The following ADAM18 variants were observed in gnomAD, a reference collection of about 807,000 sequenced individuals.
ADAM18 encodes disintegrin and metalloproteinase domain-containing protein 18.
In ADAM18, 117 loss-of-function variants were observed where a neutral mutation model predicts 94.4. The observed-to-expected ratio is 1.24, with a 90% confidence interval of 1.07 to 1.45. ADAM18 has a LOEUF of 1.45. Ranked by LOEUF, ADAM18 falls within the 40% of genes most tolerant of loss-of-function variation. The pLI is 0.00. For synonymous variants in ADAM18, 327 were observed against 291.6 expected, an observed-to-expected ratio of 1.12 and a Z score of -1.24; for missense variants, 936 against 880.0, an observed-to-expected ratio of 1.06 and a Z score of -0.81.
At chr8:39,594,936 G>A (rs1818695747) in intron 2 of ADAM18, among the ~76,000 whole-genome samples, 1 of 150,192 alleles carries the variant, frequency 6.7e-6, no homozygotes. Context: ...TTCAACTGTA[G>A]CCTCCGTCTC....
rs1820097228 is a variant in ADAM18 at position 39,637,051 on chromosome 8, AT to A, written c.589-212del. ...TATATATATATATATATATATATAT[AT>A]ATATATATATATATGTATATACATA... On this transcript the variant is annotated intron_variant, in intron 7 of 19. Transcript: ENST00000265707. Among the ~76,000 whole-genome samples the A allele has an allele frequency of 6.9e-5, 7 of 102,072 alleles. No individual in the cohort carries two copies. The East Asian group carries it at 1.7e-3, about 25-fold the overall frequency. The allele number at this position is 102,072 out of a possible 152,430, so 67.0% of individuals were successfully genotyped here. A position where few individuals can be genotyped will look rare whatever the true frequency, so the allele number is the denominator to read the frequency against.
chr8:39,590,144 A>C (rs1344690853), intron 2 of ADAM18, among the ~76,000 whole-genome samples: 5 of 151,786 alleles, frequency 3.3e-5, no homozygotes, highest in Non-Finnish European at 7.4e-5. Flanking sequence ...ACGTATGTTT[A>C]TTGTGGCATT....
chr8:39,600,567 T>A (rs1477328815), intron 2 of ADAM18, among the ~76,000 whole-genome samples: 2 of 152,242 alleles, frequency 1.3e-5, no homozygotes, highest in African/African-American at 2.4e-5. Context: ...TGTTTAATAT[T>A]CTAGGTCTTT....
intron 10 of ADAM18, among the ~76,000 whole-genome samples, chr8:39,642,004 A>G (rs1820251906): frequency 6.6e-6 from 1 of 152,084 alleles, no homozygotes. Flanking sequence ...CATTTCTCTA[A>G]TGATCAGTGA....
intron 6 of ADAM18, 120 bp downstream of exon 6, chr8:39,610,826 C>A: frequency 7.6e-7 from 1 of 1,313,094 alleles, no homozygotes; most frequent in Non-Finnish European, 9.8e-7. Flanking sequence ...ATGTATTTTT[C>A]TACCTTTAAA....
chr8:39,673,371 A>T (rs1821208622), intron 14 of ADAM18, among the ~76,000 whole-genome samples: 1 of 152,168 alleles, frequency 6.6e-6, no homozygotes, highest in African/African-American at 2.4e-5. Flanking sequence ...CACAACGTGC[A>T]GGTTTGATAC....
intron 17 of ADAM18, among the ~76,000 whole-genome samples, chr8:39,697,916 C>A (rs930734293): frequency 6.6e-6 from 1 of 151,768 alleles, no homozygotes; most frequent in East Asian, 1.9e-4. Flanking sequence ...ATGATTTGCT[C>A]AAGTGTAGTT....
chr8:39,642,767 T>A (rs536168540), intron 10 of ADAM18, among the ~76,000 whole-genome samples: 4 of 152,110 alleles, frequency 2.6e-5, no homozygotes, highest in Admixed American at 2.6e-4. Flanking sequence ...TTCTAGTCAG[T>A]CTCTTTTGTG....
In ADAM18 at chr8:39,648,507, T is replaced by C. The variant is rs773492784; in HGVS notation, c.1210T>C (p.Cys404Arg). 6 of 1,605,088 alleles carry C rather than the reference T, an allele frequency of 3.7e-6. No homozygotes were observed. Among genetic ancestry groups the C allele is most frequent in the Non-Finnish European group, 5.1e-6 (6 of 1,176,892 alleles). The change falls in exon 12 of 20, where the codon TGT (cysteine) becomes CGT (arginine). Residue 404 changes from cysteine (C) to arginine (R), a missense_variant. By Grantham distance (180) the Cys-to-Arg change is radical. Transcript: ENST00000265707. The stretch of plus-strand genomic sequence containing the variant: ...TGGGATTTTGGAATCCAATGAAGAA[T>C]GTGACTGTGGTAATAAAAATGTGAG... Reference protein sequence around the residue: ...GNGILESNEECDCGNKNECQF... With the variant: ...GNGILESNEERDCGNKNECQF...
chr8:39,669,465 T>G (rs1442101603), intron 14 of ADAM18, among the ~76,000 whole-genome samples: 1 of 56,132 alleles, frequency 1.8e-5, no homozygotes, highest in African/African-American at 7.0e-5. Context: ...CCCTCCCCCC[T>G]CCCCCCACCC....
At chr8:39,610,958 A>C (rs1237866651) in intron 6 of ADAM18, 1 of 1,216,264 alleles carries the variant, frequency 8.2e-7, no homozygotes, top group East Asian at 3.4e-5. Flanking sequence ...ACTATTGAAA[A>C]AGTTTAGAAA....
intron 5 of ADAM18, among the ~76,000 whole-genome samples, chr8:39,610,061 C>T (rs1398610058): frequency 2.0e-5 from 3 of 152,052 alleles, no homozygotes; most frequent in African/African-American, 7.2e-5. Flanking sequence ...AAAATGCTCC[C>T]TCTAACTTTC....
chr8:39,608,675 A>G (rs1489232213), intron 3 of ADAM18, among the ~76,000 whole-genome samples: 4 of 152,116 alleles, frequency 2.6e-5, no homozygotes, highest in Non-Finnish European at 4.4e-5. Flanking sequence ...TGCTAGTACT[A>G]TGTGCCCCTG....
At chr8:39,683,966 G>A (rs933483784) in intron 16 of ADAM18, among the ~76,000 whole-genome samples, 1 of 151,986 alleles carries the variant, frequency 6.6e-6, no homozygotes, top group East Asian at 1.9e-4. Context: ...GCGAGAACTT[G>A]TCTCTAAAAA....
intron 7 of ADAM18, among the ~76,000 whole-genome samples, chr8:39,632,596 A>AAAT (rs1190708507): frequency 1.3e-5 from 2 of 152,126 alleles, no homozygotes; most frequent in African/African-American, 4.8e-5. Context: ...TATGTTCATG[A>AAAT]AATAATGGTA....
chr8:39,678,276 A>G (rs955146409), intron 15 of ADAM18, among the ~76,000 whole-genome samples: 2 of 152,242 alleles, frequency 1.3e-5, no homozygotes, highest in Non-Finnish European at 2.9e-5. Flanking sequence ...GGTAAGCACC[A>G]CTATCAGTAT....
intron 10 of ADAM18, among the ~76,000 whole-genome samples, chr8:39,641,500 C>T (rs1188628462): frequency 1.3e-5 from 2 of 152,032 alleles, no homozygotes; most frequent in Non-Finnish European, 2.9e-5. Context: ...ACCCTCCATC[C>T]TCTGATAGGC....
chr8:39,720,826 C>T (rs1175450835), intron 18 of ADAM18, among the ~76,000 whole-genome samples: 2 of 151,282 alleles, frequency 1.3e-5, no homozygotes, highest in African/African-American at 4.8e-5. Context: ...GAAATATTTA[C>T]TAATGTTCAA....
chr8:39,584,793 G>C (rs1357420120), intron 1 of ADAM18, 116 bp downstream of exon 1: 1 of 1,249,290 alleles, frequency 8.0e-7, no homozygotes, highest in Non-Finnish European at 1.1e-6. Context: ...GGGATCCCAT[G>C]CTGGTGCTTC....
Sources: allele counts gnomAD v4.1 joint callset (sites outside exome capture counted in the v4.1 genomes callset), GRCh38; gene constraint gnomAD v4.1.1; transcripts MANE v1.5; gene names NCBI Gene and HGNC (gene_info 2026-07-23, HGNC 2026-07-21).